Variants in IL1RAPL2 observed in about 807,000 individuals in gnomAD.
IL1RAPL2 encodes interleukin 1 receptor accessory protein like 2.
In IL1RAPL2, 3 loss-of-function variants were observed where a neutral mutation model predicts 44.1. That is an observed-to-expected ratio of 0.07 (90% confidence interval 0.03 to 0.18). The LOEUF is 0.18. IL1RAPL2 is among the 10% of genes least tolerant of loss of function. IL1RAPL2 has a pLI of 1.00. For missense variants in IL1RAPL2, 391 were observed against 496.4 expected (o/e 0.79, Z 2.02); for synonymous variants, 181 against 178.8 (o/e 1.01, Z -0.10).
chrX:105,312,258 C>A (rs1378169915), intron 5 of IL1RAPL2, among the ~76,000 whole-genome samples: 1 of 111,758 alleles, frequency 8.9e-6, no homozygotes, highest in Non-Finnish European at 1.9e-5. Flanking sequence ...TAAAAATCCA[C>A]AATTAGCTGA....
At chrX:104,688,080 G>C (rs952398722) in intron 2 of IL1RAPL2, among the ~76,000 whole-genome samples, 3 of 111,790 alleles carry the variant, frequency 2.7e-5, no homozygotes, top group Admixed American at 1.9e-4. Flanking sequence ...TCCCCGCCAG[G>C]CTCCTGCTGC....
chrX:105,126,905 C>T (rs767642406), intron 2 of IL1RAPL2, among the ~76,000 whole-genome samples: 1 of 111,217 alleles, frequency 9.0e-6, no homozygotes, highest in Non-Finnish European at 1.9e-5. Context: ...CTTCCAGTTT[C>T]TGCCAGAAGA....
At chrX:104,842,270 T>C (rs1200008960) in intron 2 of IL1RAPL2, among the ~76,000 whole-genome samples, 1 of 110,303 alleles carries the variant, frequency 9.1e-6, no homozygotes, top group African/African-American at 3.3e-5. Flanking sequence ...AAACTGGTTA[T>C]TCTAGTTAGT....
chrX:104,874,683 C>G (rs750298554), intron 2 of IL1RAPL2, among the ~76,000 whole-genome samples: 4 of 111,276 alleles, frequency 3.6e-5, no homozygotes, highest in Non-Finnish European at 7.6e-5. Context: ...CAGATAATAA[C>G]CAGATAAAAT....
At chrX:104,595,240 A>G (rs774515753) in intron 1 of IL1RAPL2, among the ~76,000 whole-genome samples, 23 of 111,193 alleles carry the variant, frequency 2.1e-4, no homozygotes, top group African/African-American at 7.5e-4. Flanking sequence ...AATCGTATTT[A>G]ATGTTGAGGT....
At chrX:105,379,138 A>G (rs1232404042) in intron 5 of IL1RAPL2, among the ~76,000 whole-genome samples, 4 of 111,772 alleles carry the variant, frequency 3.6e-5, no homozygotes, top group African/African-American at 9.7e-5. Flanking sequence ...GGTCGAAACT[A>G]TTACAGAAAT....
chrX:105,025,485 A>G (rs1325195577), intron 2 of IL1RAPL2, among the ~76,000 whole-genome samples: 2 of 111,510 alleles, frequency 1.8e-5, no homozygotes, highest in African/African-American at 6.5e-5. Flanking sequence ...TTAAACGCCC[A>G]TAGGATTAAT....
intron 5 of IL1RAPL2, among the ~76,000 whole-genome samples, chrX:105,320,130 CTG>C (rs1470898955): frequency 9.0e-6 from 1 of 110,747 alleles, no homozygotes; most frequent in African/African-American, 3.3e-5. Context: ...GGATCTGAAA[CTG>C]TAAAAAATAT....
intron 5 of IL1RAPL2, among the ~76,000 whole-genome samples, chrX:105,364,285 C>G (rs1003294580): frequency 9.0e-6 from 1 of 111,302 alleles, no homozygotes; most frequent in African/African-American, 3.2e-5. Context: ...CAATGTATCT[C>G]TTTTTATGCC....
chrX:105,104,694 T>C (rs929074015), intron 2 of IL1RAPL2, among the ~76,000 whole-genome samples: 10 of 112,195 alleles, frequency 8.9e-5, no homozygotes, highest in South Asian at 3.7e-4. Flanking sequence ...CTGAGCTGTA[T>C]TGGGGCCTCA....
chrX:105,009,717 T>G (rs866365783), intron 2 of IL1RAPL2, among the ~76,000 whole-genome samples: 1 of 109,905 alleles, frequency 9.1e-6, no homozygotes, highest in African/African-American at 3.3e-5. Context: ...ACCTGCACAT[T>G]GTGCACATGT....
chrX:105,165,817 A>T (rs908955500), intron 2 of IL1RAPL2, among the ~76,000 whole-genome samples: 1 of 111,144 alleles, frequency 9.0e-6, no homozygotes, highest in African/African-American at 3.3e-5. Flanking sequence ...TCATCTAGCT[A>T]TTGGCTCCTC....
At chrX:104,717,929 G>A (rs144561394) in intron 2 of IL1RAPL2, among the ~76,000 whole-genome samples, 32,730 of 109,271 alleles carry the variant, frequency 0.3, 3,786 homozygotes, top group Non-Finnish European at 0.35. Flanking sequence ...TACAAAGGAC[G>A]TGAACTCATC....
intron 5 of IL1RAPL2, among the ~76,000 whole-genome samples, chrX:105,322,713 C>T (rs1300989975): frequency 1.8e-5 from 2 of 111,875 alleles, no homozygotes; most frequent in Non-Finnish European, 3.8e-5. Flanking sequence ...CTCATTGGGT[C>T]AGGCTAAACT....
At chrX:105,058,845 T>G (rs992150539) in intron 2 of IL1RAPL2, among the ~76,000 whole-genome samples, 4 of 111,910 alleles carry the variant, frequency 3.6e-5, no homozygotes, top group Non-Finnish European at 7.5e-5. Context: ...CATGTCAGTT[T>G]CCATGATGGA....
chrX:104,605,011 A>G (rs755741571), intron 1 of IL1RAPL2, among the ~76,000 whole-genome samples: 2 of 111,940 alleles, frequency 1.8e-5, no homozygotes, highest in South Asian at 7.4e-4. Flanking sequence ...TCAACAGAAT[A>G]TACATTCTTC....
At chrX:104,689,011 G>A in intron 2 of IL1RAPL2, among the ~76,000 whole-genome samples, 1 of 111,489 alleles carries the variant, frequency 9.0e-6, no homozygotes, top group Middle Eastern at 4.7e-3. Context: ...TGTGCGCCTA[G>A]TACCATCTGA....
At chrX:105,464,723 A>G (rs751736409) in intron 5 of IL1RAPL2, among the ~76,000 whole-genome samples, 95 of 111,619 alleles carry the variant, frequency 8.5e-4, no homozygotes, top group Middle Eastern at 4.7e-3. Context: ...TTAAACTGAA[A>G]CTTAAGGTAA....
chrX:105,414,962 C>T (rs2035722294), intron 5 of IL1RAPL2, among the ~76,000 whole-genome samples: 1 of 111,588 alleles, frequency 9.0e-6, no homozygotes, highest in South Asian at 3.7e-4. Flanking sequence ...CTATAATTTA[C>T]TGTACAGATG....
Sources: gnomAD v4.1 joint callset for allele counts (sites outside exome capture counted in the v4.1 genomes callset) on GRCh38, gnomAD v4.1.1 for gene constraint, MANE v1.5 for transcripts, NCBI Gene and HGNC (gene_info 2026-07-23, HGNC 2026-07-21) for gene names.